ARHGAP15: variants seen among roughly 807,000 people sequenced by gnomAD.
The protein encoded by ARHGAP15 is rho GTPase-activating protein 15.
In ARHGAP15, 51 loss-of-function variants were observed where a neutral mutation model predicts 63.7. The ratio of observed to expected loss-of-function variants is 0.80; its 90% CI spans 0.64 to 1.01. ARHGAP15 has a LOEUF of 1.01. Among genes scored for constraint, ARHGAP15 ranks in the 50% least tolerant of loss-of-function variants. The pLI is 0.00. For missense variants in ARHGAP15, 560 were observed against 564.6 expected, an observed-to-expected ratio of 0.99 and a Z score of 0.08; for synonymous variants, 191 against 193.8, an observed-to-expected ratio of 0.99 and a Z score of 0.12.
At chr2:143,336,167 C>T (rs1203147059) in intron 6 of ARHGAP15, among the ~76,000 whole-genome samples, 1 of 152,050 alleles carries the variant, frequency 6.6e-6, no homozygotes, top group Non-Finnish European at 1.5e-5. Context: ...CACCGCCACA[C>T]CTGGCTAATT....
At chr2:143,587,767 T>C (rs748658831) in intron 11 of ARHGAP15, 4 of 470,372 alleles carry the variant, frequency 8.5e-6, no homozygotes, top group Middle Eastern at 3.2e-4. Flanking sequence ...TTTTTCACAG[T>C]GGTCATTTGA....
At chr2:143,271,539 G>A (rs138405799) in intron 6 of ARHGAP15, among the ~76,000 whole-genome samples, 2 of 152,322 alleles carry the variant, frequency 1.3e-5, no homozygotes, top group Non-Finnish European at 2.9e-5. Context: ...GCAGTGGCGC[G>A]ATCTCGTCTC....
chr2:143,738,750 C>G (rs1685849144), intron 13 of ARHGAP15, among the ~76,000 whole-genome samples: 2 of 152,186 alleles, frequency 1.3e-5, no homozygotes, highest in Admixed American at 6.5e-5. Flanking sequence ...AAATCACATG[C>G]TTTGCTTTGT....
intron 3 of ARHGAP15, among the ~76,000 whole-genome samples, chr2:143,207,596 G>T (rs1692385064): frequency 6.6e-6 from 1 of 151,670 alleles, no homozygotes; most frequent in African/African-American, 2.4e-5. Flanking sequence ...GGTTTTCCTG[G>T]ATCATCTCTC....
chr2:143,338,910 G>A (rs938731768), intron 6 of ARHGAP15, among the ~76,000 whole-genome samples: 17 of 152,108 alleles, frequency 1.1e-4, no homozygotes, highest in Middle Eastern at 3.4e-3. Flanking sequence ...CCCTCACTGT[G>A]TTGATAAAAA....
intron 2 of ARHGAP15, among the ~76,000 whole-genome samples, chr2:143,196,413 A>G (rs1337496519): frequency 6.6e-6 from 1 of 152,080 alleles, no homozygotes; most frequent in Non-Finnish European, 1.5e-5. Flanking sequence ...CAGTAAAAAG[A>G]TAAGGTTGGA....
At chr2:143,263,554 T>A (rs1355333532) in intron 6 of ARHGAP15, among the ~76,000 whole-genome samples, 1 of 152,170 alleles carries the variant, frequency 6.6e-6, no homozygotes, top group Non-Finnish European at 1.5e-5. Flanking sequence ...CTCATGGGCC[T>A]ATTGTGCATG....
chr2:143,633,508 C>A (rs1401173822), intron 12 of ARHGAP15, among the ~76,000 whole-genome samples: 1 of 152,042 alleles, frequency 6.6e-6, no homozygotes, highest in East Asian at 1.9e-4. Context: ...TGGTGCTTGT[C>A]TTTTTGCCTT....
rs1297105623 is a variant in ARHGAP15, at chr2:143,356,809, CT to C, written c.475-78791del. ...TTGCATATACAAAAAGATGCACAGG[CT>C]GTTTCCTGTGACAACCAGGTTCAGA... On this transcript the variant is annotated intron_variant, in intron 6 of 13. Coordinates refer to ENST00000295095, the MANE Select transcript of ARHGAP15 (RefSeq NM_018460.4). Among the ~76,000 whole-genome samples the C allele has an allele frequency of 3.9e-5, 6 of 152,214 alleles. No homozygotes were observed. The South Asian group carries it at 1.0e-3, about 26-fold the overall frequency.
chr2:143,440,851 T>C (rs1689843261), intron 8 of ARHGAP15, among the ~76,000 whole-genome samples: 1 of 151,240 alleles, frequency 6.6e-6, no homozygotes, highest in Admixed American at 6.6e-5. Context: ...AAGTGGAGAG[T>C]CAATCAAAGA....
At chr2:143,552,839 G>T (rs1695631386) in intron 10 of ARHGAP15, among the ~76,000 whole-genome samples, 1 of 152,134 alleles carries the variant, frequency 6.6e-6, no homozygotes, top group Non-Finnish European at 1.5e-5. Context: ...TTACGGTCAT[G>T]TTACTTTCTT....
At chr2:143,287,759 C>T (rs1173691118) in intron 6 of ARHGAP15, among the ~76,000 whole-genome samples, 8 of 151,868 alleles carry the variant, frequency 5.3e-5, no homozygotes, top group East Asian at 1.9e-4. Flanking sequence ...GCTGAGATCG[C>T]GCCATTGCAC....
chr2:143,265,403 G>A (rs770642274), intron 6 of ARHGAP15, among the ~76,000 whole-genome samples: 5 of 151,836 alleles, frequency 3.3e-5, no homozygotes, highest in Non-Finnish European at 7.4e-5. Flanking sequence ...AGCTTCTGGG[G>A]GAAAGAAAAG....
At chr2:143,153,850 TCCTCCTCCTCCTCCTCCTCCTCTTCCTCC>T (rs1689963084) in intron 1 of ARHGAP15, among the ~76,000 whole-genome samples, 1 of 75,804 alleles carries the variant, frequency 1.3e-5, no homozygotes. Context: ...TTCTTCCTCC[TCCTCCTCCTCCTCCTCCTCCTCTTCCTCC>T]TCCTCCTCCT....
At chr2:143,471,607 G>A (rs555866750) in intron 8 of ARHGAP15, among the ~76,000 whole-genome samples, 12 of 152,210 alleles carry the variant, frequency 7.9e-5, no homozygotes, top group South Asian at 6.2e-4. Context: ...TAGGAGAGGA[G>A]GGAATGTTTG....
chr2:143,372,415 A>T (rs1686603848), intron 6 of ARHGAP15, among the ~76,000 whole-genome samples: 1 of 151,566 alleles, frequency 6.6e-6, no homozygotes, highest in African/African-American at 2.4e-5. Context: ...ATGATACCAT[A>T]GCTTCTTAAT....
intron 6 of ARHGAP15, among the ~76,000 whole-genome samples, chr2:143,264,927 A>G (rs1050757921): frequency 6.6e-6 from 1 of 152,118 alleles, no homozygotes; most frequent in African/African-American, 2.4e-5. Context: ...AGGTGGTGCC[A>G]TTTCATCTGG....
intron 11 of ARHGAP15, chr2:143,563,958 A>T (rs1348279716): frequency 6.6e-6 from 1 of 152,302 alleles, no homozygotes; most frequent in Non-Finnish European, 1.5e-5. Flanking sequence ...AAGTCTGGGC[A>T]CAGCTTAGCT....
chr2:143,385,065 T>A (rs1456233708), intron 6 of ARHGAP15, among the ~76,000 whole-genome samples: 3 of 152,148 alleles, frequency 2.0e-5, no homozygotes, highest in Admixed American at 2.0e-4. Flanking sequence ...AAATTCACCA[T>A]GTAAAATTGA....
Sources: gnomAD v4.1 joint callset for allele counts (sites outside exome capture counted in the v4.1 genomes callset) on GRCh38, gnomAD v4.1.1 for gene constraint, MANE v1.5 for transcripts, NCBI Gene and HGNC (gene_info 2026-07-23, HGNC 2026-07-21) for gene names.